Variants in CROCC observed in about 807,000 individuals in gnomAD.
The protein encoded by CROCC is rootletin.
A neutral mutation model predicts 245.2 loss-of-function variants in CROCC; 180 were observed. That is an observed-to-expected ratio of 0.73 (90% CI 0.65 to 0.83). The LOEUF (loss-of-function observed/expected upper bound fraction) is 0.83. Ranked by LOEUF, CROCC falls within the 40% of genes least tolerant of loss-of-function variation. The probability of loss-of-function intolerance (pLI) is 0.00; values close to 1 mark genes in which losing one functional copy is unlikely to be tolerated. For synonymous variants in CROCC, 1,205 were observed against 1,241.6 expected (o/e 0.97, Z 0.62); for missense variants, 2,688 against 2,779.4 (o/e 0.97, Z 0.74).
Position 16,966,701 on chromosome 1 carries a change from G to A in CROCC, c.4860+130G>A. 1 of 1,061,164 alleles carries A rather than the reference G, an allele frequency of 9.4e-7. No homozygotes were observed. Among genetic ancestry groups the A allele is most frequent in the Non-Finnish European group, 1.3e-6 (1 of 779,282 alleles). 65.7% of individuals were successfully genotyped at this position (1,061,164 alleles called of 1,614,324 possible). A position where few individuals can be genotyped will look rare whatever the true frequency, so the allele number is the denominator to read the frequency against. Reference sequence around the variant, plus strand: ...TGCAACCCACTGAGGTGACCAGCCTGTGACTCTGTGAAACCATGTTCAGAC... The same window carrying A: ...TGCAACCCACTGAGGTGACCAGCCTATGACTCTGTGAAACCATGTTCAGAC... On this transcript the variant is annotated intron_variant, in intron 30 of 36. Transcript: ENST00000375541. The surrounding 1 kb of genome is among the most constrained non-coding windows in gnomAD (Gnocchi z 4.8).
rs2075635199 is a variant in CROCC at position 16,930,148 on chromosome 1, T to C, written c.562T>C (p.Ser188Pro). The C allele has an allele frequency of 6.3e-7, 1 of 1,594,776 alleles. No individual in the cohort carries two copies. Among genetic ancestry groups the C allele is most frequent in the African/African-American group, 1.3e-5 (1 of 74,540 alleles). Residue 188 changes from serine (S) to proline (P), a missense_variant, in exon 5 of 37, where the codon TCG (serine) becomes CCG (proline). Coordinates refer to ENST00000375541, the MANE Select transcript of CROCC (RefSeq NM_014675.5). ...GKILQYKKRCSELEQQLLERS... is the reference protein window; with the variant it reads ...GKILQYKKRCPELEQQLLERS... The stretch of plus-strand genomic sequence containing the variant: ...GATTCTCCAGTACAAGAAGAGGTGC[T>C]CGGAGCTGGAGCAGCAGCTGCTGGA...
At chr1:16,943,548 A>G (rs1358725611) in intron 13 of CROCC, among the ~76,000 whole-genome samples, 1 of 152,236 alleles carries the variant, frequency 6.6e-6, no homozygotes, top group Non-Finnish European at 1.5e-5. Context: ...AAAAAAAAAA[A>G]ATAAAACAAA....
At chr1:16,968,097 A>G (rs2076448064) in intron 30 of CROCC, 106 bp from the exon 31 acceptor site, 1 of 1,155,446 alleles carries the variant, frequency 8.7e-7, no homozygotes, top group East Asian at 2.6e-5. Flanking sequence ...CACGTAGGTC[A>G]CCCTTCGAGG....
chr1:16,965,658 G>A, intron 27 of CROCC, 65 bp from the exon 28 acceptor site: 1 of 1,162,978 alleles, frequency 8.6e-7, no homozygotes, highest in Non-Finnish European at 1.3e-6. Context: ...AGGGATGACA[G>A]TGAGTGAGAT....
Position 16,946,764 on chromosome 1 carries a change from G to C in CROCC, c.2287G>C (p.Glu763Gln). Residue 763 changes from glutamate to glutamine, a missense_variant, in exon 17 of 37, where the codon GAG becomes CAG. Physicochemically the swap from Glu to Gln is conservative, Grantham distance 29. Around this residue, in one of 9 missense-constraint regions of CROCC, gnomAD observed 295 missense variants for 241.7 expected, o/e 1.22. Transcript: ENST00000375541. The stretch of plus-strand genomic sequence containing the variant: ...CCCACTCCTACCTGGCCTCCAGCTG[G>C]AGGAAGAAAAGTCCGCCCTGCAGGG... ...LDLNRLVAQL[E>Q]EEKSALQGRQ... The C allele has an allele frequency of 1.9e-6, 3 of 1,551,376 alleles. No homozygotes were observed. The highest frequency in any genetic ancestry group is 2.6e-6 in the Non-Finnish European group (3 of 1,146,992).
At position 16,933,219 on chromosome 1, in the gene CROCC, A is replaced by G. The variant is rs564443357; in HGVS notation, c.956+1822A>G. 3.0e-4 allele frequency among the ~76,000 whole-genome samples: 46 copies of G among 152,404 alleles called. No homozygotes were observed. The South Asian group carries it at 9.3e-3, about 31-fold the overall frequency. On this transcript the variant is annotated intron_variant, in intron 8 of 36. Transcript: ENST00000375541. ...AGTGGCTCACGCCTATAATCCCAGT[A>G]CTTCAGGAGGCCGAGGCGGGCGGAC...
At chr1:16,914,365 G>T (rs1306977954) in intron 1 of CROCC, among the ~76,000 whole-genome samples, 1 of 152,242 alleles carries the variant, frequency 6.6e-6, no homozygotes, top group Admixed American at 6.5e-5. Flanking sequence ...CGCGGGCCGG[G>T]GGCACGACAG....
intron 12 of CROCC, 47 bp downstream of exon 12, chr1:16,939,189 A>G (rs7514413): frequency 9.5e-7 from 1 of 1,056,514 alleles, no homozygotes; most frequent in Non-Finnish European, 1.2e-6. Context: ...GGCCTGGGGG[A>G]GGGGCTCGCG....
Position 16,930,363 on chromosome 1 carries a change from G to A in CROCC, c.683+16G>A. On this transcript the variant is annotated intron_variant, in intron 6 of 36. Coordinates refer to ENST00000375541, the MANE Select transcript of CROCC (RefSeq NM_014675.5). ...AGCAGCAGAGGTGAGGGCGCAGCAG[G>A]GAGGGCCAGGGCTGGCAGGATGGCC... 1 of 1,611,020 alleles carries A rather than the reference G, an allele frequency of 6.2e-7. No individual in the cohort carries two copies. Among genetic ancestry groups the A allele is most frequent in the African/African-American group, 1.3e-5 (1 of 75,002 alleles).
chr1:16,926,399 AAC>A (rs1323441121), intron 3 of CROCC, among the ~76,000 whole-genome samples: 28 of 152,240 alleles, frequency 1.8e-4, no homozygotes, highest in Admixed American at 1.5e-3. Flanking sequence ...GCAGTTGGGC[AAC>A]ATTCTCTTTC....
At chr1:16,952,949 G>C in intron 20 of CROCC, 1 of 222,400 alleles carries the variant, frequency 4.5e-6, no homozygotes, top group African/African-American at 2.2e-5. Flanking sequence ...CTGGGGCTCT[G>C]GCCCTGTGAC....
chr1:16,916,685 A>G (rs1180520286), intron 1 of CROCC, among the ~76,000 whole-genome samples: 4 of 152,244 alleles, frequency 2.6e-5, no homozygotes, highest in Non-Finnish European at 5.9e-5. Context: ...AATTTTTTTT[A>G]TTTTTTTGGC....
At chr1:16,922,363 A>G (rs2100312708) in intron 1 of CROCC, among the ~76,000 whole-genome samples, 1 of 152,388 alleles carries the variant, frequency 6.6e-6, no homozygotes, top group East Asian at 1.9e-4. Context: ...CCAGATCCTC[A>G]TCCATCTAGG....
At chr1:16,935,042 G>C (rs2075758875) in intron 8 of CROCC, among the ~76,000 whole-genome samples, 1 of 152,216 alleles carries the variant, frequency 6.6e-6, no homozygotes, top group Non-Finnish European at 1.5e-5. Context: ...TGGGATTACA[G>C]GCATGAGCCA....
intron 26 of CROCC, among the ~76,000 whole-genome samples, chr1:16,959,345 G>C (rs999919855): frequency 1.3e-5 from 2 of 152,050 alleles, no homozygotes; most frequent in African/African-American, 4.8e-5. Flanking sequence ...CCATTTTACA[G>C]AGCCCTCAGA....
chr1:16,972,237 T>G, intron 36 of CROCC, 123 bp from the exon 37 acceptor site: 1 of 794,306 alleles, frequency 1.3e-6, no homozygotes, highest in Admixed American at 2.1e-5. Context: ...AGCCCCTGGC[T>G]CTCAGTGAGA....
At chr1:16,943,938 G>T (rs1318990028) in intron 13 of CROCC, among the ~76,000 whole-genome samples, 162 bp from the exon 14 acceptor site, 2 of 152,278 alleles carry the variant, frequency 1.3e-5, no homozygotes, top group South Asian at 2.1e-4. Flanking sequence ...GTGTGTGAGT[G>T]AAATGAGTCA....
In CROCC at chr1:16,958,707, G is replaced by A; in HGVS notation, c.3989G>A (p.Arg1330Lys). Residue 1330 changes from arginine to lysine, a missense_variant, in exon 26 of 37, where the codon AGG (arginine) becomes AAG (lysine). Around this residue, in one of 9 missense-constraint regions of CROCC, gnomAD observed 1,218 missense variants for 1,286.3 expected, o/e 0.95. Transcript: ENST00000375541. ...CGGGAGACCCTGGGCCTCCGGCAGA[G>A]GCTGCTGAAGGGCGAGGCCAGCCTG... ...SRRETLGLRQ[R>K]LLKGEASLEV... 1 of 1,561,586 alleles carries A rather than the reference G, an allele frequency of 6.4e-7. No individual in the cohort carries two copies. The highest frequency in any genetic ancestry group is 8.7e-7 in the Non-Finnish European group (1 of 1,153,798).
upstream of CROCC, among the ~76,000 whole-genome samples, chr1:16,918,767 C>T (rs1248726679): frequency 1.2e-3 from 179 of 143,580 alleles, no homozygotes; most frequent in African/African-American, 2.8e-3. Flanking sequence ...GACAGAGTCT[C>T]TCTCTGTCAC....
Sources: allele counts gnomAD v4.1 joint callset (sites outside exome capture counted in the v4.1 genomes callset), GRCh38; gene constraint gnomAD v4.1.1; regional missense constraint gnomAD v4.1.1; non-coding constraint Gnocchi (gnomAD v3.1); transcripts MANE v1.5; gene names NCBI Gene and HGNC (gene_info 2026-07-23, HGNC 2026-07-21).